TMEM272: variants seen among roughly 807,000 people sequenced by gnomAD.
The protein encoded by TMEM272 is transmembrane protein 272.
A neutral mutation model predicts 3.7 loss-of-function variants in TMEM272; 8 were observed. The ratio of observed to expected loss-of-function variants is 2.17; its 90% CI spans 1.27 to 3.91. The LOEUF (loss-of-function observed/expected upper bound fraction) is 3.91, where lower values mean the gene tolerates loss of function less well. Among genes scored for constraint, TMEM272 ranks in the 30% most tolerant of loss-of-function variants. The pLI is 0.00. For missense variants in TMEM272, 166 were observed against 91.5 expected, an observed-to-expected ratio of 1.81 and a Z score of -3.32; for synonymous variants, 63 against 39.8, an observed-to-expected ratio of 1.58 and a Z score of -2.20.
At chr13:51,893,348 CAT>C in the TMEM272 span, among the ~76,000 whole-genome samples, 1 of 152,218 alleles carries the variant, frequency 6.6e-6, no homozygotes, top group Non-Finnish European at 1.5e-5. Flanking sequence ...TAAAGAAGTA[CAT>C]GCGAAAAGCA....
At chr13:51,865,617 G>A in the TMEM272 span, 54 of 1,613,940 alleles carry the variant, frequency 3.3e-5, no homozygotes, top group Non-Finnish European at 4.0e-5. Context: ...CATGCTTTCC[G>A]GGGCCAGATC....
chr13:51,841,696 T>C (rs1453882657), intron 1 of TMEM272, among the ~76,000 whole-genome samples: 2 of 152,240 alleles, frequency 1.3e-5, no homozygotes, highest in African/African-American at 4.8e-5. Flanking sequence ...AGTGATATCT[T>C]TATTGATAAT....
chr13:51,829,579 G>T (rs1003585273), intron 2 of TMEM272, among the ~76,000 whole-genome samples: 6 of 152,132 alleles, frequency 3.9e-5, no homozygotes, highest in African/African-American at 1.4e-4. Flanking sequence ...AATTCAAGGG[G>T]TCGATGAATC....
the TMEM272 span, among the ~76,000 whole-genome samples, chr13:51,894,262 T>G: frequency 6.6e-6 from 1 of 152,212 alleles, no homozygotes; most frequent in Middle Eastern, 3.2e-3. Flanking sequence ...AGCAAAGGCA[T>G]GAGTGCTCTC....
the TMEM272 span, among the ~76,000 whole-genome samples, chr13:51,896,370 T>A: frequency 2.6e-5 from 4 of 152,202 alleles, no homozygotes; most frequent in African/African-American, 9.6e-5. Flanking sequence ...CACAAATGTA[T>A]GTTTTTAGAA....
the TMEM272 span, among the ~76,000 whole-genome samples, chr13:51,888,571 G>A: frequency 2.0e-5 from 3 of 150,892 alleles, no homozygotes; most frequent in East Asian, 1.9e-4. Context: ...TCACATGACA[G>A]CATTTTATAG....
chr13:51,910,681 G>A, the TMEM272 span: 5 of 435,582 alleles, frequency 1.1e-5, no homozygotes, highest in African/African-American at 2.0e-5. Context: ...GCCACAATAA[G>A]CGGCAGAGAA....
the TMEM272 span, among the ~76,000 whole-genome samples, chr13:51,896,640 G>T: frequency 1.3e-5 from 2 of 152,126 alleles, no homozygotes; most frequent in Non-Finnish European, 2.9e-5. Flanking sequence ...ACCAGAGGAG[G>T]TCCATCTCTT....
chr13:51,891,016 A>C, the TMEM272 span, among the ~76,000 whole-genome samples: 5 of 152,206 alleles, frequency 3.3e-5, no homozygotes, highest in Admixed American at 6.5e-5. Flanking sequence ...GGAAGGTGCT[A>C]CTGTGGTAAC....
the TMEM272 span, among the ~76,000 whole-genome samples, chr13:51,906,444 C>T: frequency 6.6e-6 from 1 of 152,162 alleles, no homozygotes; most frequent in Non-Finnish European, 1.5e-5. Context: ...GATAATGAGG[C>T]CTAACCACAG....
the TMEM272 span, among the ~76,000 whole-genome samples, chr13:51,878,504 G>A: frequency 6.6e-6 from 1 of 152,240 alleles, no homozygotes; most frequent in East Asian, 1.9e-4. Context: ...CAGCATGGGG[G>A]GGAATGCCCC....
the TMEM272 span, among the ~76,000 whole-genome samples, chr13:51,850,378 A>T: frequency 6.6e-6 from 1 of 152,168 alleles, no homozygotes; most frequent in Non-Finnish European, 1.5e-5. Context: ...TATTTTAATA[A>T]TGTCTTCTGG....
the TMEM272 span, among the ~76,000 whole-genome samples, chr13:51,872,481 A>T: frequency 1.3e-5 from 2 of 152,172 alleles, no homozygotes; most frequent in Non-Finnish European, 2.9e-5. Flanking sequence ...AAAAGAACAT[A>T]GGGGAAGACA....
At chr13:51,817,621 G>A (rs1245239470) in intron 4 of TMEM272, among the ~76,000 whole-genome samples, 3 of 152,124 alleles carry the variant, frequency 2.0e-5, no homozygotes, top group Non-Finnish European at 2.9e-5. Flanking sequence ...ACCGTGAGCC[G>A]TTTCCTCCCC....
intron 2 of TMEM272, among the ~76,000 whole-genome samples, chr13:51,830,219 T>C (rs1223251752): frequency 6.6e-6 from 1 of 152,254 alleles, no homozygotes; most frequent in Non-Finnish European, 1.5e-5. Flanking sequence ...ATCTGTCTTA[T>C]GTGAGTTTAA....
the TMEM272 span, among the ~76,000 whole-genome samples, chr13:51,925,822 G>A: frequency 6.6e-6 from 1 of 151,936 alleles, no homozygotes; most frequent in African/African-American, 2.4e-5. Flanking sequence ...CCAAAGCTGA[G>A]ACCGGACATG....
chr13:51,924,986 T>TA, the TMEM272 span, among the ~76,000 whole-genome samples: 1 of 152,124 alleles, frequency 6.6e-6, no homozygotes, highest in East Asian at 1.9e-4. Flanking sequence ...ACCTTTGACA[T>TA]AACAAGATCT....
chr13:51,910,526 T>G, the TMEM272 span: 18 of 723,410 alleles, frequency 2.5e-5, no homozygotes, highest in Admixed American at 3.2e-4. Context: ...GATTCGAATT[T>G]GGTCTCACAC....
At chr13:51,859,557 C>T in the TMEM272 span, among the ~76,000 whole-genome samples, 4 of 150,990 alleles carry the variant, frequency 2.6e-5, no homozygotes, top group African/African-American at 9.8e-5. Context: ...CAGACACCCC[C>T]TCAGCAAAGG....
Sources: gnomAD v4.1 joint callset for allele counts (sites outside exome capture counted in the v4.1 genomes callset) on GRCh38, gnomAD v4.1.1 for gene constraint, MANE v1.5 for transcripts, NCBI Gene and HGNC (gene_info 2026-07-23, HGNC 2026-07-21) for gene names.